Variants in CDH13 observed in about 807,000 individuals in gnomAD.
CDH13 encodes the protein cadherin 13, also known as cadherin-13.
In CDH13, 24 loss-of-function variants were observed where a neutral mutation model predicts 63.8. The ratio of observed to expected loss-of-function variants is 0.38; its 90% CI spans 0.27 to 0.53. The LOEUF is 0.53. CDH13 is among the 20% of genes least tolerant of loss of function. The pLI, the probability that CDH13 is intolerant of heterozygous loss-of-function variation, is 0.85. For synonymous variants in CDH13, 503 were observed against 355.3 expected (o/e 1.42, Z -4.67); for missense variants, 1,049 against 903.1 (o/e 1.16, Z -2.07).
intron 2 of CDH13, among the ~76,000 whole-genome samples, chr16:82,891,664 A>T (rs1175852536): frequency 6.6e-6 from 1 of 152,174 alleles, no homozygotes. Flanking sequence ...TTGCGGCTGT[A>T]AATGCCAGTG....
At chr16:82,833,051 T>G (rs1361392092) in intron 1 of CDH13, among the ~76,000 whole-genome samples, 1 of 152,214 alleles carries the variant, frequency 6.6e-6, no homozygotes, top group Admixed American at 6.5e-5. Context: ...TATACCTTTT[T>G]ACCCTGAAAT....
intron 1 of CDH13, among the ~76,000 whole-genome samples, chr16:82,645,843 T>C (rs531656063): frequency 6.6e-6 from 1 of 152,224 alleles, no homozygotes; most frequent in African/African-American, 2.4e-5. Flanking sequence ...CCATGGTTAT[T>C]CCAAAGGGCA....
chr16:83,120,834 G>A (rs2035537645), intron 3 of CDH13, among the ~76,000 whole-genome samples: 1 of 146,756 alleles, frequency 6.8e-6, no homozygotes, highest in Non-Finnish European at 1.5e-5. Flanking sequence ...CGCGATCTCA[G>A]CTCACTGCAA....
chr16:82,833,222 C>G (rs551494777), intron 1 of CDH13, among the ~76,000 whole-genome samples: 1 of 152,170 alleles, frequency 6.6e-6, no homozygotes, highest in South Asian at 2.1e-4. Context: ...TGTGTTCATA[C>G]CATGAATAAT....
intron 1 of CDH13, among the ~76,000 whole-genome samples, chr16:82,631,626 A>G (rs1908019204): frequency 6.6e-6 from 1 of 152,212 alleles, no homozygotes; most frequent in South Asian, 2.1e-4. Flanking sequence ...CTGGGATCCC[A>G]GGCCTGGCTC....
At chr16:83,356,954 G>T (rs547725305) in intron 6 of CDH13, among the ~76,000 whole-genome samples, 3 of 152,136 alleles carry the variant, frequency 2.0e-5, no homozygotes, top group Non-Finnish European at 4.4e-5. Flanking sequence ...GGGAATTCTT[G>T]TGTTTTCTTT....
intron 5 of CDH13, among the ~76,000 whole-genome samples, chr16:83,305,281 A>G (rs2089848393): frequency 6.6e-6 from 1 of 152,220 alleles, no homozygotes; most frequent in Non-Finnish European, 1.5e-5. Context: ...AATCAGAAGC[A>G]GGGGAGTGAG....
chr16:83,172,230 C>G (rs778463117), intron 4 of CDH13, among the ~76,000 whole-genome samples: 2 of 152,114 alleles, frequency 1.3e-5, no homozygotes, highest in Non-Finnish European at 2.9e-5. Context: ...GTGGCTCATG[C>G]CTGTAATCCC....
At position 83,032,186 on chromosome 16, in the gene CDH13, G is replaced by C. The variant is rs200199969; in HGVS notation, c.334G>C (p.Val112Leu). 6.2e-7 allele frequency: 1 copy of C among 1,613,678 alleles called. No individual in the cohort carries two copies. Among genetic ancestry groups the C allele is most frequent in the Non-Finnish European group, 8.5e-7 (1 of 1,179,696 alleles). Residue 112 changes from valine to leucine, a missense_variant, in exon 3 of 14, where the codon GTC (valine) becomes CTC (leucine). Val to Leu is a conservative substitution (Grantham distance 32). Transcript: ENST00000567109. ...HAEDMAELVIVGGKDIQGSLQ... is the reference protein window; with the variant it reads ...HAEDMAELVILGGKDIQGSLQ... ...GGAAGATATGGCAGAACTCGTGATT[G>C]TCGGGGGGAAAGACATCCAGGGCTC...
At chr16:82,845,653 T>A (rs4783291) in intron 1 of CDH13, among the ~76,000 whole-genome samples, 95,163 of 152,116 alleles carry the variant, frequency 0.63, 30,373 homozygotes, top group East Asian at 0.87. Context: ...TATTTTCTCA[T>A]TTGAACTCCC....
chr16:82,950,765 C>G lies in CDH13; in HGVS notation c.158-81245C>G, dbSNP rs549092111. 2.6e-5 allele frequency among the ~76,000 whole-genome samples: 4 copies of G among 151,646 alleles called. No homozygotes were observed. The South Asian group carries it at 8.4e-4, about 32-fold the overall frequency. On this transcript the variant is annotated intron_variant, in intron 2 of 13. Coordinates refer to ENST00000567109, the MANE Select transcript of CDH13 (RefSeq NM_001257.5). ...TTAACTTGATTACCTCTGTAAAGAC[C>G]CTATCTCCAAATAAAGTCACTGAGA...
chr16:82,964,453 C>G (rs1054106703), intron 2 of CDH13, among the ~76,000 whole-genome samples: 1 of 152,188 alleles, frequency 6.6e-6, no homozygotes. Flanking sequence ...CCCATTAAAC[C>G]TCCAGGGAGA....
At chr16:83,668,797 T>C (rs1213298402) in intron 8 of CDH13, among the ~76,000 whole-genome samples, 1 of 152,182 alleles carries the variant, frequency 6.6e-6, no homozygotes, top group East Asian at 1.9e-4. Flanking sequence ...TCTTCATCTG[T>C]AATATGAAGG....
chr16:83,177,968 A>G (rs1198025676), intron 4 of CDH13, among the ~76,000 whole-genome samples: 5 of 152,180 alleles, frequency 3.3e-5, no homozygotes, highest in Admixed American at 3.3e-4. Context: ...TAAATCCTGA[A>G]TGATAGATTG....
chr16:82,900,782 T>A (rs998530499), intron 2 of CDH13, among the ~76,000 whole-genome samples: 1 of 152,220 alleles, frequency 6.6e-6, no homozygotes, highest in African/African-American at 2.4e-5. Context: ...TTGTGCAGAA[T>A]AGTGAAGGAA....
In CDH13 at chr16:83,215,073, C is replaced by CTTT. The variant is rs571565652; in HGVS notation, c.484-2253_484-2251dup. 7.3e-3 allele frequency among the ~76,000 whole-genome samples: 411 copies of CTTT among 56,198 alleles called. 71 individuals carry two copies. The highest frequency in any genetic ancestry group is 0.028 in the African/African-American group (391 of 13,876). 36.9% of individuals were successfully genotyped at this position (56,198 alleles called of 152,430 possible). ...TTTCATCAGAGAGTATCAAACACCT[C>CTTT]TTTTTTTTTTTTTTTTTTTTTGAGA... On this transcript the variant is annotated intron_variant, in intron 4 of 13. Transcript: ENST00000567109.
chr16:82,730,740 A>C (rs1291584993), intron 1 of CDH13, among the ~76,000 whole-genome samples: 1 of 152,226 alleles, frequency 6.6e-6, no homozygotes, highest in Non-Finnish European at 1.5e-5. Context: ...AAATGAAATA[A>C]AGTGAAGCAC....
intron 1 of CDH13, among the ~76,000 whole-genome samples, chr16:82,633,532 C>G (rs141292046): frequency 6.6e-6 from 1 of 152,170 alleles, no homozygotes; most frequent in African/African-American, 2.4e-5. Flanking sequence ...GTGCCCGCCA[C>G]CAGGCCTGGC....
intron 1 of CDH13, among the ~76,000 whole-genome samples, chr16:82,656,874 C>T (rs548200138): frequency 8.0e-5 from 12 of 150,442 alleles, no homozygotes; most frequent in Non-Finnish European, 1.6e-4. Context: ...CACTTGGTAA[C>T]ATGCATTGAA....
Sources: gnomAD v4.1 joint callset for allele counts (sites outside exome capture counted in the v4.1 genomes callset) on GRCh38, gnomAD v4.1.1 for gene constraint, MANE v1.5 for transcripts, NCBI Gene and HGNC (gene_info 2026-07-23, HGNC 2026-07-21) for gene names.